The following MAGI2 variants were observed in gnomAD, a reference collection of about 807,000 sequenced individuals.
MAGI2 encodes membrane-associated guanylate kinase, WW and PDZ domain-containing protein 2.
A neutral mutation model predicts 133.3 loss-of-function variants in MAGI2; 35 were observed. That is an observed-to-expected ratio of 0.26 (90% confidence interval 0.20 to 0.35). MAGI2 has a LOEUF of 0.35. Ranked by LOEUF, MAGI2 falls within the 10% of genes least tolerant of loss-of-function variation. The pLI is 1.00. For synonymous variants in MAGI2, 729 were observed against 710.6 expected (o/e 1.03, Z -0.41); for missense variants, 1,636 against 1,863.4 (o/e 0.88, Z 2.25).
At chr7:79,257,684 A>C (rs1284227164) in intron 1 of MAGI2, among the ~76,000 whole-genome samples, 1 of 152,236 alleles carries the variant, frequency 6.6e-6, no homozygotes, top group Non-Finnish European at 1.5e-5. Flanking sequence ...GCAAAGTTAA[A>C]GTACTGGGGA....
intron 21 of MAGI2, among the ~76,000 whole-genome samples, chr7:78,036,766 G>T (rs1348583782): frequency 6.6e-6 from 1 of 152,026 alleles, no homozygotes; most frequent in African/African-American, 2.4e-5. Context: ...ACAGGTGTCT[G>T]CCAGGCCCAG....
chr7:78,921,909 T>C (rs915226483), intron 2 of MAGI2, among the ~76,000 whole-genome samples: 1 of 152,080 alleles, frequency 6.6e-6, no homozygotes, highest in African/African-American at 2.4e-5. Context: ...GCTGGGATTA[T>C]AGGTGTGAGC....
intron 5 of MAGI2, among the ~76,000 whole-genome samples, chr7:78,496,645 T>C (rs922958893): frequency 6.6e-6 from 1 of 152,192 alleles, no homozygotes; most frequent in African/African-American, 2.4e-5. Context: ...GGAATGACTC[T>C]GTAGAGTGAA....
intron 1 of MAGI2, among the ~76,000 whole-genome samples, chr7:79,291,282 A>G (rs912502138): frequency 6.6e-6 from 1 of 152,088 alleles, no homozygotes; most frequent in African/African-American, 2.4e-5. Context: ...ATTCCATTGT[A>G]TGTATAAACC....
At chr7:78,106,740 A>G (rs1818729764) in intron 20 of MAGI2, among the ~76,000 whole-genome samples, 1 of 152,080 alleles carries the variant, frequency 6.6e-6, no homozygotes, top group Non-Finnish European at 1.5e-5. Context: ...TTTGAGCTCC[A>G]TATACATTCT....
At chr7:78,898,716 T>A (rs1459538823) in intron 2 of MAGI2, among the ~76,000 whole-genome samples, 1 of 152,018 alleles carries the variant, frequency 6.6e-6, no homozygotes, top group East Asian at 1.9e-4. Flanking sequence ...AGGCTTAATA[T>A]CCTGGTGATG....
At chr7:79,048,693 GC>G (rs1334693081) in intron 1 of MAGI2, among the ~76,000 whole-genome samples, 1 of 152,110 alleles carries the variant, frequency 6.6e-6, no homozygotes, top group African/African-American at 2.4e-5. Flanking sequence ...ATCTCAGGGG[GC>G]CTGGCACAAT....
intron 6 of MAGI2, among the ~76,000 whole-genome samples, chr7:78,401,311 C>G (rs1436527502): frequency 6.6e-6 from 1 of 152,146 alleles, no homozygotes; most frequent in East Asian, 1.9e-4. Flanking sequence ...GACCTTGCCA[C>G]AGGTATTGAG....
intron 2 of MAGI2, among the ~76,000 whole-genome samples, chr7:78,751,118 A>T (rs1390881552): frequency 6.6e-6 from 1 of 152,188 alleles, no homozygotes; most frequent in African/African-American, 2.4e-5. Flanking sequence ...TGAGATAACC[A>T]CTTGTTCCCT....
chr7:79,328,378 C>T (rs555907503), intron 1 of MAGI2, among the ~76,000 whole-genome samples: 8 of 152,208 alleles, frequency 5.3e-5, no homozygotes, highest in Non-Finnish European at 8.8e-5. Flanking sequence ...ATGGTCAGAA[C>T]CATCTTTGTC....
At chr7:78,930,268 G>T (rs1400104995) in intron 2 of MAGI2, among the ~76,000 whole-genome samples, 1 of 152,090 alleles carries the variant, frequency 6.6e-6, no homozygotes. Flanking sequence ...ACTGAAAAGG[G>T]TTAAGATATC....
intron 1 of MAGI2, among the ~76,000 whole-genome samples, chr7:79,104,133 C>A (rs1818237757): frequency 6.6e-6 from 1 of 152,060 alleles, no homozygotes; most frequent in Admixed American, 6.5e-5. Flanking sequence ...TTTCATAAAG[C>A]AAAACCATTC....
intron 1 of MAGI2, among the ~76,000 whole-genome samples, chr7:79,136,564 T>C (rs1821595609): frequency 6.6e-6 from 1 of 152,200 alleles, no homozygotes; most frequent in East Asian, 1.9e-4. Context: ...GAAGAAATTC[T>C]TCTAAATAAA....
At chr7:79,253,939 T>TCGCA (rs1833504387) in intron 1 of MAGI2, among the ~76,000 whole-genome samples, 2 of 152,066 alleles carry the variant, frequency 1.3e-5, no homozygotes, top group Non-Finnish European at 1.5e-5. Context: ...GATCTAAAGA[T>TCGCA]ATTTATCATT....
chr7:78,391,344 T>C lies in MAGI2; in HGVS notation c.1046-22131A>G, dbSNP rs138841503. Among the ~76,000 whole-genome samples the C allele has an allele frequency of 1.3e-4, 20 of 151,390 alleles. No homozygotes were observed. The East Asian group carries it at 3.3e-3, about 25-fold the overall frequency. ...TATGCATTCACACAAATTATATTCATGAGGACACTTAGAAGAGAAACATTT... is the reference window on the plus strand; with the variant it reads ...TATGCATTCACACAAATTATATTCACGAGGACACTTAGAAGAGAAACATTT... On this transcript the variant is annotated intron_variant, in intron 6 of 21. Transcript: ENST00000354212.
rs1183660704 is a variant in MAGI2 at position 78,803,021 on chromosome 7, G to A, written c.419-175782C>T. On this transcript the variant is annotated intron_variant, in intron 2 of 21. Transcript: ENST00000354212. The stretch of plus-strand genomic sequence containing the variant: ...TCTTGTAAATCAATATTTTGGTTTT[G>A]ACTTTTAATATTAATGACCATGAAG... Among the ~76,000 whole-genome samples the A allele has an allele frequency of 2.7e-5, 4 of 148,330 alleles. No homozygotes were observed. The East Asian group carries it at 5.9e-4, about 22-fold the overall frequency.
intron 1 of MAGI2, among the ~76,000 whole-genome samples, chr7:79,220,589 C>T (rs911710698): frequency 6.6e-6 from 1 of 151,882 alleles, no homozygotes; most frequent in Non-Finnish European, 1.5e-5. Context: ...GTCAGAGAAG[C>T]GGCAAAGATA....
At chr7:78,206,858 G>C (rs1040102678) in intron 10 of MAGI2, among the ~76,000 whole-genome samples, 1 of 152,136 alleles carries the variant, frequency 6.6e-6, no homozygotes, top group African/African-American at 2.4e-5. Flanking sequence ...TTTAAGCACA[G>C]AAGAGGAGTA....
At chr7:78,265,022 T>A (rs1372114870) in intron 9 of MAGI2, among the ~76,000 whole-genome samples, 1 of 152,166 alleles carries the variant, frequency 6.6e-6, no homozygotes, top group African/African-American at 2.4e-5. Flanking sequence ...AAAGGCTTCT[T>A]AATCACATTT....
Sources: allele counts gnomAD v4.1 joint callset (sites outside exome capture counted in the v4.1 genomes callset), GRCh38; gene constraint gnomAD v4.1.1; transcripts MANE v1.5; gene names NCBI Gene and HGNC (gene_info 2026-07-23, HGNC 2026-07-21).